Variants in NKAIN2 observed in about 807,000 individuals in gnomAD.
NKAIN2 encodes sodium/potassium-transporting ATPase subunit beta-1-interacting protein 2.
Under a neutral mutation model 32.6 loss-of-function variants are expected in NKAIN2, and 14 were observed. That is an observed-to-expected ratio of 0.43 (90% CI 0.28 to 0.67). NKAIN2 has a LOEUF of 0.67. NKAIN2 is among the 30% of genes least tolerant of loss of function. The pLI is 0.17. For synonymous variants in NKAIN2, 80 were observed against 87.2 expected (o/e 0.92, Z 0.46); for missense variants, 198 against 258.3 (o/e 0.77, Z 1.60).
intron 2 of NKAIN2, among the ~76,000 whole-genome samples, chr6:124,294,466 A>C (rs1178115433): frequency 1.3e-5 from 2 of 152,174 alleles, no homozygotes; most frequent in African/African-American, 4.8e-5. Context: ...TTTCAGCTTC[A>C]TGTTAATTCT....
chr6:123,835,323 T>C (rs914062968), intron 1 of NKAIN2, among the ~76,000 whole-genome samples: 14 of 152,204 alleles, frequency 9.2e-5, no homozygotes, highest in Non-Finnish European at 1.9e-4. Flanking sequence ...TAAGTTTTTC[T>C]GTGTGCGTTC....
intron 1 of NKAIN2, among the ~76,000 whole-genome samples, chr6:124,001,644 G>T (rs1339189148): frequency 1.3e-5 from 2 of 151,658 alleles, no homozygotes; most frequent in Non-Finnish European, 2.9e-5. Context: ...GGAAGTGAAA[G>T]AAAATTTATT....
chr6:123,888,536 T>C (rs1773840732), intron 1 of NKAIN2, among the ~76,000 whole-genome samples: 1 of 152,168 alleles, frequency 6.6e-6, no homozygotes, highest in Non-Finnish European at 1.5e-5. Context: ...GTTAATATTG[T>C]ATTTTTGGTC....
intron 3 of NKAIN2, among the ~76,000 whole-genome samples, chr6:124,512,625 C>CCATATGGT (rs1583364303): frequency 6.6e-6 from 1 of 152,264 alleles, no homozygotes; most frequent in Non-Finnish European, 1.5e-5. Flanking sequence ...CAGGCTGTTG[C>CCATATGGT]CATATGGTGT....
At chr6:124,513,041 G>T (rs1032355850) in intron 3 of NKAIN2, among the ~76,000 whole-genome samples, 3 of 152,060 alleles carry the variant, frequency 2.0e-5, no homozygotes, top group Admixed American at 1.3e-4. Context: ...TGAGAATGCA[G>T]AAATGTCCTC....
intron 1 of NKAIN2, among the ~76,000 whole-genome samples, chr6:123,882,021 A>G (rs894025556): frequency 2.6e-5 from 4 of 152,180 alleles, no homozygotes; most frequent in African/African-American, 9.6e-5. Flanking sequence ...GTTTGAACTC[A>G]CATAATGGAT....
intron 1 of NKAIN2, among the ~76,000 whole-genome samples, chr6:124,207,976 A>G (rs1168506045): frequency 6.6e-6 from 1 of 151,938 alleles, no homozygotes; most frequent in Non-Finnish European, 1.5e-5. Context: ...GCTGAATATT[A>G]TATTTGTCTG....
chr6:124,249,934 C>A (rs1562450234), intron 1 of NKAIN2, among the ~76,000 whole-genome samples: 1 of 152,108 alleles, frequency 6.6e-6, no homozygotes, highest in African/African-American at 2.4e-5. Flanking sequence ...AGCAAGGAAA[C>A]TTTTCTGTCT....
At chr6:123,851,693 T>C (rs572643525) in intron 1 of NKAIN2, among the ~76,000 whole-genome samples, 32 of 152,302 alleles carry the variant, frequency 2.1e-4, no homozygotes, top group Non-Finnish European at 3.7e-4. Context: ...ATCTGATGAT[T>C]AGTGATGTCG....
chr6:124,644,815 G>GAT (rs1784112231), intron 3 of NKAIN2, among the ~76,000 whole-genome samples: 1 of 152,154 alleles, frequency 6.6e-6, no homozygotes, highest in Non-Finnish European at 1.5e-5. Context: ...ATAACCTGCT[G>GAT]ATATACATGG....
intron 4 of NKAIN2, among the ~76,000 whole-genome samples, chr6:124,733,301 A>T (rs1776776370): frequency 6.6e-6 from 1 of 151,930 alleles, no homozygotes; most frequent in South Asian, 2.1e-4. Context: ...AGTAAGCCTT[A>T]ATATATGAAT....
At chr6:124,022,989 A>G (rs924621263) in intron 1 of NKAIN2, among the ~76,000 whole-genome samples, 1 of 151,974 alleles carries the variant, frequency 6.6e-6, no homozygotes, top group Non-Finnish European at 1.5e-5. Flanking sequence ...AGTCTCTCAC[A>G]GTTCTAAACT....
intron 5 of NKAIN2, among the ~76,000 whole-genome samples, chr6:124,798,343 CAT>C (rs1178449537): frequency 6.6e-6 from 1 of 152,090 alleles, no homozygotes; most frequent in Non-Finnish European, 1.5e-5. Context: ...TAAAATGTAA[CAT>C]AATCTTAGTA....
intron 3 of NKAIN2, among the ~76,000 whole-genome samples, chr6:124,645,554 C>A (rs1228025013): frequency 6.6e-6 from 1 of 152,182 alleles, no homozygotes; most frequent in Non-Finnish European, 1.5e-5. Context: ...GACTTGCAGA[C>A]CCAAAGCAAA....
intron 4 of NKAIN2, among the ~76,000 whole-genome samples, chr6:124,775,218 A>G (rs1778934549): frequency 6.6e-6 from 1 of 152,226 alleles, no homozygotes; most frequent in Non-Finnish European, 1.5e-5. Flanking sequence ...AAAAGCAGAT[A>G]TTCAGACAAT....
intron 3 of NKAIN2, among the ~76,000 whole-genome samples, chr6:124,522,635 C>A (rs1779156710): frequency 6.6e-6 from 1 of 152,114 alleles, no homozygotes; most frequent in South Asian, 2.1e-4. Flanking sequence ...ACTAGGAAGA[C>A]ACAAACTGTC....
chr6:124,703,246 T>C (rs1350626754), intron 4 of NKAIN2, among the ~76,000 whole-genome samples: 1 of 151,766 alleles, frequency 6.6e-6, no homozygotes, highest in African/African-American at 2.4e-5. Flanking sequence ...AGGTATGATA[T>C]GTCCTCCAAA....
chr6:124,665,830 T>C (rs963380086), intron 4 of NKAIN2, among the ~76,000 whole-genome samples: 1 of 152,172 alleles, frequency 6.6e-6, no homozygotes, highest in Admixed American at 6.5e-5. Context: ...ATCAAGCCTT[T>C]CACACAACTA....
chr6:124,405,426 G>C (rs979896807), intron 3 of NKAIN2, among the ~76,000 whole-genome samples: 9 of 152,040 alleles, frequency 5.9e-5, no homozygotes, highest in African/African-American at 2.2e-4. Flanking sequence ...TAGAAATGTA[G>C]GATGGGATAT....
Sources: allele counts gnomAD v4.1 joint callset (sites outside exome capture counted in the v4.1 genomes callset), GRCh38; gene constraint gnomAD v4.1.1; transcripts MANE v1.5; gene names NCBI Gene and HGNC (gene_info 2026-07-23, HGNC 2026-07-21).